The following RCL1 variants were observed in gnomAD, a reference collection of about 807,000 sequenced individuals.
RCL1 encodes the protein RNA terminal phosphate cyclase like 1.
In RCL1, 24 loss-of-function variants were observed where a neutral mutation model predicts 42.4. The ratio of observed to expected loss-of-function variants is 0.57; its 90% confidence interval spans 0.41 to 0.80. The LOEUF is 0.80. RCL1 is among the 30% of genes least tolerant of loss of function. The probability of loss-of-function intolerance (pLI) is 0.00; values close to 1 mark genes in which losing one functional copy is unlikely to be tolerated. For missense variants in RCL1, 578 were observed against 467.9 expected (o/e 1.24, Z -2.17); for synonymous variants, 228 against 177.3 (o/e 1.29, Z -2.27).
chr9:4,826,212 C>T (rs192296319), intron 2 of RCL1, among the ~76,000 whole-genome samples: 1 of 152,230 alleles, frequency 6.6e-6, no homozygotes, highest in Non-Finnish European at 1.5e-5. Context: ...TGCCGCTGTA[C>T]TCCAGCTTGG....
At chr9:4,841,505 C>A in intron 6 of RCL1, 148 bp downstream of exon 6, 1 of 676,182 alleles carries the variant, frequency 1.5e-6, no homozygotes, top group Non-Finnish European at 2.5e-6. Context: ...CCGTTGTCAC[C>A]AACAGGCATT....
At chr9:4,824,374 A>ATTTT (rs71326141) in intron 2 of RCL1, among the ~76,000 whole-genome samples, 21 of 120,280 alleles carry the variant, frequency 1.7e-4, no homozygotes, top group Admixed American at 2.7e-4. Flanking sequence ...TTCAGCCAGC[A>ATTTT]TTTTTTTTTT....
intron 1 of RCL1, among the ~76,000 whole-genome samples, chr9:4,808,438 G>C (rs1816056855): frequency 6.6e-6 from 1 of 152,048 alleles, no homozygotes; most frequent in South Asian, 2.1e-4. Context: ...CTCCCAAGTA[G>C]CTGGGACTAT....
chr9:4,819,953 G>A (rs919860979), intron 1 of RCL1, among the ~76,000 whole-genome samples: 1 of 152,030 alleles, frequency 6.6e-6, no homozygotes, highest in Non-Finnish European at 1.5e-5. Context: ...ATCGTAAAAT[G>A]AACACCTTTG....
chr9:4,853,587 C>T (rs1817832312), intron 8 of RCL1, among the ~76,000 whole-genome samples: 1 of 152,114 alleles, frequency 6.6e-6, no homozygotes, highest in South Asian at 2.1e-4. Flanking sequence ...TCCCAAAGTG[C>T]TGGGATTACA....
intron 1 of RCL1, among the ~76,000 whole-genome samples, chr9:4,807,272 T>C (rs542487153): frequency 6.6e-6 from 1 of 152,328 alleles, no homozygotes; most frequent in Non-Finnish European, 1.5e-5. Context: ...TTATTTCTGT[T>C]CTTTATTATT....
chr9:4,846,027 C>T (rs1400083563), intron 7 of RCL1, among the ~76,000 whole-genome samples: 3 of 152,152 alleles, frequency 2.0e-5, no homozygotes, highest in Non-Finnish European at 4.4e-5. Flanking sequence ...CCTTTTGCCA[C>T]TGGTTCAGTT....
At chr9:4,805,073 C>T (rs1430246767) in intron 1 of RCL1, 1 of 152,316 alleles carries the variant, frequency 6.6e-6, no homozygotes, top group Non-Finnish European at 1.5e-5. Flanking sequence ...AATGTGGGGC[C>T]CTGAAGGCCC....
intron 5 of RCL1, among the ~76,000 whole-genome samples, chr9:4,838,572 C>G (rs1817212500): frequency 9.5e-6 from 1 of 105,416 alleles, no homozygotes. Flanking sequence ...AGCTCTCTCT[C>G]CACCTACTGT....
intron 1 of RCL1, among the ~76,000 whole-genome samples, chr9:4,814,133 C>G (rs766851052): frequency 2.0e-5 from 3 of 151,688 alleles, no homozygotes; most frequent in Non-Finnish European, 4.4e-5. Flanking sequence ...TACCCTAGAA[C>G]TTAAAGTATA....
chr9:4,796,968 T>A (rs559716077), intron 1 of RCL1, among the ~76,000 whole-genome samples: 1 of 152,356 alleles, frequency 6.6e-6, no homozygotes, highest in East Asian at 1.9e-4. Context: ...AAACAGTTTT[T>A]AAGTCAAAAA....
intron 6 of RCL1, among the ~76,000 whole-genome samples, chr9:4,842,890 A>G (rs1337397012): frequency 1.3e-5 from 2 of 152,194 alleles, no homozygotes; most frequent in Non-Finnish European, 2.9e-5. Flanking sequence ...TCCTGGCATG[A>G]AGCAGAGCAG....
At chr9:4,857,653 G>A (rs971031594) in intron 8 of RCL1, among the ~76,000 whole-genome samples, 2 of 152,106 alleles carry the variant, frequency 1.3e-5, no homozygotes, top group East Asian at 3.8e-4. Context: ...GTATCCTATG[G>A]TAACTCCCCG....
chr9:4,836,292 G>T (rs923550559), intron 5 of RCL1, among the ~76,000 whole-genome samples: 2 of 152,108 alleles, frequency 1.3e-5, no homozygotes, highest in Admixed American at 6.5e-5. Flanking sequence ...AGGTGGGTGG[G>T]TCCTACAGGA....
At chr9:4,838,211 C>A (rs1409596961) in intron 5 of RCL1, among the ~76,000 whole-genome samples, 1 of 152,146 alleles carries the variant, frequency 6.6e-6, no homozygotes, top group Admixed American at 6.6e-5. Flanking sequence ...CTCTTGTGTG[C>A]ATTTGTGGTT....
intron 8 of RCL1, among the ~76,000 whole-genome samples, chr9:4,859,802 A>G (rs1340668138): frequency 1.3e-5 from 2 of 152,006 alleles, no homozygotes; most frequent in Admixed American, 1.3e-4. Context: ...CATCTCTTAT[A>G]AAAAAAAGAG....
chr9:4,827,054 G>A (rs374868831), intron 3 of RCL1, 21 bp downstream of exon 3: 5 of 1,614,096 alleles, frequency 3.1e-6, no homozygotes, highest in South Asian at 1.1e-5. Flanking sequence ...AGAACAAACC[G>A]TGGTGTGGTT....
rs530541998 is a variant in RCL1, at chr9:4,824,560, A to G, written c.208+941A>G. Among the ~76,000 whole-genome samples the G allele has an allele frequency of 5.3e-5, 8 of 152,124 alleles. No individual in the cohort carries two copies. The South Asian group carries it at 1.2e-3, about 24-fold the overall frequency. On this transcript the variant is annotated intron_variant, in intron 2 of 8. Coordinates refer to ENST00000381750, the MANE Select transcript of RCL1 (RefSeq NM_005772.5). ...GTTGTTTCTAGCTTTTATTTTTTCT[A>G]TTAGAAACTTGTGTCTACATTGTAT...
rs768604424 is a variant in RCL1 at position 4,844,605 on chromosome 9, A to T, written c.791A>T (p.Gln264Leu). ...FLSAELASNP[Q>L]GQGAAVLPED... ...AGTGCTGAACTGGCCTCCAACCCCC[A>T]GGGCCAGGGAGCAGCAGTACTTCCA... Residue 264 changes from glutamine to leucine, a missense_variant, in exon 7 of 9, where the codon CAG becomes CTG. Coordinates refer to ENST00000381750, the MANE Select transcript of RCL1 (RefSeq NM_005772.5). 6.2e-7 allele frequency: 1 copy of T among 1,613,920 alleles called. No homozygotes were observed. The highest frequency in any genetic ancestry group is 1.3e-5 in the African/African-American group (1 of 74,926).
Sources: gnomAD v4.1 joint callset for allele counts (sites outside exome capture counted in the v4.1 genomes callset) on GRCh38, gnomAD v4.1.1 for gene constraint, MANE v1.5 for transcripts, NCBI Gene and HGNC (gene_info 2026-07-23, HGNC 2026-07-21) for gene names.